The following RCOR1 variants were observed in gnomAD, a reference collection of about 807,000 sequenced individuals.
RCOR1 encodes the protein REST corepressor 1.
RCOR1 carries 12 observed loss-of-function variants against 64.0 expected under a neutral mutation model. The ratio of observed to expected loss-of-function variants is 0.19; its 90% CI spans 0.12 to 0.30. The LOEUF is 0.30. Among genes scored for constraint, RCOR1 ranks in the 10% least tolerant of loss-of-function variants. The pLI is 1.00. For missense variants in RCOR1, 502 were observed against 621.2 expected (o/e 0.81, Z 2.04); for synonymous variants, 279 against 227.2 (o/e 1.23, Z -2.05).
intron 10 of RCOR1, among the ~76,000 whole-genome samples, chr14:102,721,937 A>G (rs1052377818): frequency 1.3e-5 from 2 of 152,196 alleles, no homozygotes; most frequent in African/African-American, 4.8e-5. Flanking sequence ...CCCTAGGGCA[A>G]TTGCTGGGTG....
chr14:102,597,207 C>G (rs1893272417), intron 2 of RCOR1, among the ~76,000 whole-genome samples: 1 of 152,020 alleles, frequency 6.6e-6, no homozygotes, highest in African/African-American at 2.4e-5. Context: ...TTGTTCTTCT[C>G]TTTTACTAGA....
chr14:102,593,415 C>T (rs1231039317), intron 2 of RCOR1, 90 bp downstream of exon 2: 2 of 1,362,562 alleles, frequency 1.5e-6, no homozygotes, highest in Admixed American at 3.3e-5. Context: ...CCGCCGACAA[C>T]TTTCTTTTTG....
chr14:102,715,937 T>C (rs1896061500), intron 8 of RCOR1, among the ~76,000 whole-genome samples: 3 of 152,182 alleles, frequency 2.0e-5, no homozygotes, highest in Admixed American at 2.0e-4. Flanking sequence ...CTTGACCCAG[T>C]AGATGCTAGT....
chr14:102,639,497 T>TTATTTTTA (rs1226238756), intron 2 of RCOR1, among the ~76,000 whole-genome samples: 6 of 135,388 alleles, frequency 4.4e-5, no homozygotes, highest in Admixed American at 2.3e-4. Context: ...ATTTTTTAAT[T>TTATTTTTA]TTTATTTATT....
In RCOR1 at chr14:102,711,096, C is replaced by T. The variant is rs532128847; in HGVS notation, c.858+83C>T. The T allele has an allele frequency of 2.0e-5, 18 of 881,220 alleles. No individual in the cohort carries two copies. In the African/African-American group the frequency reaches 2.7e-4, roughly 13 times the overall value. The allele number at this position is 881,220 out of a possible 1,614,324, so 54.6% of individuals were successfully genotyped here. A position where few individuals can be genotyped will look rare whatever the true frequency, so the allele number is the denominator to read the frequency against. ...TAAAACATTCATGTTGCTTGTTCTACTTAATATATTAAGTGCTATGTGGAA... is the reference window on the plus strand; with the variant it reads ...TAAAACATTCATGTTGCTTGTTCTATTTAATATATTAAGTGCTATGTGGAA... On this transcript the variant is annotated intron_variant, in intron 7 of 11. Coordinates refer to ENST00000262241, the MANE Select transcript of RCOR1 (RefSeq NM_015156.4).
intron 2 of RCOR1, among the ~76,000 whole-genome samples, chr14:102,601,049 C>T (rs558192427): frequency 2.0e-5 from 3 of 151,954 alleles, no homozygotes; most frequent in Admixed American, 6.6e-5. Flanking sequence ...ATTAGCTGGG[C>T]GTGGTGGTGC....
At chr14:102,706,142 A>AAAAAAAC (rs1281591870) in intron 4 of RCOR1, among the ~76,000 whole-genome samples, 6 of 138,640 alleles carry the variant, frequency 4.3e-5, no homozygotes, top group African/African-American at 1.3e-4. Context: ...AAAAAAAAAA[A>AAAAAAAC]CCTAAAAAAA....
chr14:102,670,757 ATT>A lies in RCOR1; in HGVS notation c.362-11136_362-11135del, dbSNP rs796728564. 2.3e-3 allele frequency among the ~76,000 whole-genome samples: 327 copies of A among 139,674 alleles called. 3 individuals are homozygous for A. The highest frequency in any genetic ancestry group is 8.1e-3 in the African/African-American group (294 of 36,414). The allele number at this position is 139,674 out of a possible 152,430, so 91.6% of individuals were successfully genotyped here. ...ACAAGATTATTATATATATATATAT[ATT>A]TATTTATTTTACTTATTTATTGATT... On this transcript the variant is annotated intron_variant, in intron 2 of 11. Transcript: ENST00000262241.
chr14:102,597,234 GGACGTGA>G (rs1202984940), intron 2 of RCOR1, among the ~76,000 whole-genome samples: 1 of 152,060 alleles, frequency 6.6e-6, no homozygotes, highest in Non-Finnish European at 1.5e-5. Context: ...ACAGAGAGGT[GGACGTGA>G]AACTTAACAG....
chr14:102,724,809 G>A (rs1048131836), intron 11 of RCOR1, among the ~76,000 whole-genome samples: 1 of 152,138 alleles, frequency 6.6e-6, no homozygotes, highest in African/African-American at 2.4e-5. Context: ...TGTCTGTCTG[G>A]TGAGTCCACA....
At chr14:102,652,530 T>G (rs1451065415) in intron 2 of RCOR1, among the ~76,000 whole-genome samples, 1 of 152,206 alleles carries the variant, frequency 6.6e-6, no homozygotes, top group East Asian at 1.9e-4. Context: ...TAAGCTTGCC[T>G]GTCTGCTTGT....
chr14:102,592,939 G>A lies in RCOR1; in HGVS notation c.53G>A (p.Arg18Lys). Reference protein sequence around the residue: ...GPEVSGKRRGRNNAAASASAA... With the variant: ...GPEVSGKRRGKNNAAASASAA... ...GAGGTCTCAGGGAAGCGGAGAGGGA[G>A]GAACAACGCGGCCGCCTCCGCCTCC... is the stretch of plus-strand genomic sequence containing the variant. The change falls in exon 1 of 12, where the codon AGG (arginine) becomes AAG (lysine). Residue 18 changes from arginine to lysine, a missense_variant. Around this residue, in one of 2 missense-constraint regions of RCOR1, gnomAD observed 242 missense variants for 204.9 expected, o/e 1.18. Coordinates refer to ENST00000262241, the MANE Select transcript of RCOR1 (RefSeq NM_015156.4). 8.2e-7 allele frequency: 1 copy of A among 1,219,012 alleles called. No homozygotes were observed. Among genetic ancestry groups the A allele is most frequent in the South Asian group, 2.4e-5 (1 of 41,490 alleles). 75.5% of individuals were successfully genotyped at this position (1,219,012 alleles called of 1,614,324 possible).
At chr14:102,689,870 A>G (rs1463828716) in intron 3 of RCOR1, among the ~76,000 whole-genome samples, 1 of 152,130 alleles carries the variant, frequency 6.6e-6, no homozygotes, top group Non-Finnish European at 1.5e-5. Context: ...CAGCCTCCCT[A>G]GTAGCTGGAA....
At chr14:102,673,227 C>A (rs1049015616) in intron 2 of RCOR1, among the ~76,000 whole-genome samples, 2 of 151,962 alleles carry the variant, frequency 1.3e-5, no homozygotes, top group African/African-American at 4.8e-5. Context: ...TTATACATTT[C>A]CTTTAACTTG....
chr14:102,640,211 G>A (rs866364546), intron 2 of RCOR1, among the ~76,000 whole-genome samples: 3 of 151,674 alleles, frequency 2.0e-5, no homozygotes, highest in Non-Finnish European at 2.9e-5. Flanking sequence ...CTTGAACTCC[G>A]GAATTTCAGA....
Position 102,593,055 on chromosome 14 carries a change from G to T in RCOR1, c.169G>T (p.Ala57Ser). 1.4e-6 allele frequency: 2 copies of T among 1,388,644 alleles called. No homozygotes were observed. The highest frequency in any genetic ancestry group is 1.9e-6 in the Non-Finnish European group (2 of 1,062,856). The allele number at this position is 1,388,644 out of a possible 1,614,324, so 86.0% of individuals were successfully genotyped here. The change falls in exon 1 of 12, where the codon GCC becomes TCC. Residue 57 changes from alanine to serine, a missense_variant. Ala to Ser is a moderately conservative substitution (Grantham distance 99, BLOSUM62 1). Transcript: ENST00000262241. ...CGCCGCCGCCTCCTCAGCCTCGGCC[G>T]CCGCCGCCTCAGCCGCCGCCGCCCC... ...SGAAASSASA[A>S]AASAAAAPNN...
intron 2 of RCOR1, among the ~76,000 whole-genome samples, chr14:102,596,923 A>G (rs1442310279): frequency 7.6e-6 from 1 of 132,080 alleles, no homozygotes; most frequent in East Asian, 2.5e-4. Context: ...CCCAGGCTGG[A>G]GTGCAATGGC....
At chr14:102,626,006 T>TA (rs1893973673) in intron 2 of RCOR1, among the ~76,000 whole-genome samples, 1 of 152,188 alleles carries the variant, frequency 6.6e-6, no homozygotes, top group Non-Finnish European at 1.5e-5. Flanking sequence ...GAGTTACTGT[T>TA]ACCTGAAATT....
At chr14:102,713,879 A>G (rs1356334791) in intron 7 of RCOR1, among the ~76,000 whole-genome samples, 4 of 152,238 alleles carry the variant, frequency 2.6e-5, no homozygotes, top group Non-Finnish European at 5.9e-5. Flanking sequence ...AATGGTTACC[A>G]GTAAGTTATA....
Sources: gnomAD v4.1 joint callset for allele counts (sites outside exome capture counted in the v4.1 genomes callset) on GRCh38, gnomAD v4.1.1 for gene constraint, gnomAD v4.1.1 regional missense constraint, MANE v1.5 for transcripts, NCBI Gene and HGNC (gene_info 2026-07-23, HGNC 2026-07-21) for gene names.